Variants in ROBO2 observed in about 807,000 individuals in gnomAD.
The protein encoded by ROBO2 is roundabout guidance receptor 2.
A neutral mutation model predicts 160.8 loss-of-function variants in ROBO2; 53 were observed. The observed-to-expected ratio is 0.33, with a 90% confidence interval of 0.26 to 0.41. The LOEUF (loss-of-function observed/expected upper bound fraction) is 0.41. Ranked by LOEUF, ROBO2 falls within the 10% of genes least tolerant of loss-of-function variation. The pLI is 1.00. For missense variants in ROBO2, 1,577 were observed against 1,722.4 expected (o/e 0.92, Z 1.49); for synonymous variants, 664 against 611.7 (o/e 1.09, Z -1.26).
chr3:76,351,731 CTTTAA>C (rs1414937847), intron 2 of ROBO2, among the ~76,000 whole-genome samples: 1 of 151,794 alleles, frequency 6.6e-6, no homozygotes, highest in Admixed American at 6.6e-5. Context: ...ATGAGTTTTT[CTTTAA>C]TTTACATTTT....
chr3:77,053,777 AAT>A (rs2149709520), intron 1 of ROBO2, among the ~76,000 whole-genome samples: 1 of 152,310 alleles, frequency 6.6e-6, no homozygotes, highest in South Asian at 2.1e-4. Context: ...AATGTAAACT[AAT>A]TCTTCAGGGA....
chr3:77,249,805 T>G (rs570993158), intron 2 of ROBO2, among the ~76,000 whole-genome samples: 1 of 151,806 alleles, frequency 6.6e-6, no homozygotes, highest in African/African-American at 2.4e-5. Flanking sequence ...ATAGCTACTA[T>G]ATTTTATTAT....
intron 2 of ROBO2, among the ~76,000 whole-genome samples, chr3:75,952,561 A>C (rs912309385): frequency 3.3e-5 from 5 of 151,848 alleles, no homozygotes; most frequent in African/African-American, 1.2e-4. Flanking sequence ...CCTCTACCCC[A>C]ATTTCCCCGA....
chr3:76,860,332 G>A (rs138867133), intron 2 of ROBO2, among the ~76,000 whole-genome samples: 150 of 152,184 alleles, frequency 9.9e-4, no homozygotes, highest in African/African-American at 3.5e-3. Flanking sequence ...AAATGTTTTC[G>A]TAGGGCATTT....
intron 2 of ROBO2, among the ~76,000 whole-genome samples, chr3:76,644,472 T>C (rs974279628): frequency 1.3e-5 from 2 of 152,174 alleles, no homozygotes; most frequent in African/African-American, 4.8e-5. Context: ...TGGGTTCTTT[T>C]TTTCAGTGTA....
At chr3:76,511,388 G>A (rs571340392) in intron 2 of ROBO2, among the ~76,000 whole-genome samples, 2 of 152,246 alleles carry the variant, frequency 1.3e-5, no homozygotes, top group African/African-American at 4.8e-5. Context: ...TCACCGCAGC[G>A]ACTGGATGAT....
intron 2 of ROBO2, among the ~76,000 whole-genome samples, chr3:76,260,279 A>T (rs925124254): frequency 1.3e-5 from 2 of 152,098 alleles, no homozygotes; most frequent in Non-Finnish European, 2.9e-5. Context: ...ACTCTAATTT[A>T]TATAAATCCC....
intron 5 of ROBO2, among the ~76,000 whole-genome samples, chr3:77,516,453 G>A (rs192584448): frequency 2.0e-5 from 3 of 151,530 alleles, no homozygotes. Context: ...AAAATAATGA[G>A]CTTATATATT....
intron 24 of ROBO2, among the ~76,000 whole-genome samples, chr3:77,637,335 G>A (rs1268571811): frequency 1.3e-5 from 2 of 152,312 alleles, no homozygotes; most frequent in African/African-American, 2.4e-5. Context: ...ATCCAATCCT[G>A]CAGCCCTATT....
At chr3:77,591,231 C>T (rs181533847) in intron 17 of ROBO2, among the ~76,000 whole-genome samples, 3 of 152,098 alleles carry the variant, frequency 2.0e-5, no homozygotes, top group Admixed American at 2.0e-4. Flanking sequence ...TGAGTTAGTG[C>T]TTATTAAAAA....
chr3:76,592,577 T>C (rs1022431888), intron 2 of ROBO2, among the ~76,000 whole-genome samples: 3 of 152,112 alleles, frequency 2.0e-5, no homozygotes, highest in African/African-American at 7.2e-5. Context: ...TACCAACGTG[T>C]ATTCCTCCAG....
At chr3:77,631,151 G>A (rs760583189) in intron 23 of ROBO2, 1 of 151,750 alleles carries the variant, frequency 6.6e-6, no homozygotes, top group Non-Finnish European at 1.5e-5. Flanking sequence ...AGTAAAAAGT[G>A]TATCTCTGTG....
intron 2 of ROBO2, among the ~76,000 whole-genome samples, chr3:77,362,953 C>T (rs1316046292): frequency 2.0e-5 from 3 of 152,084 alleles, no homozygotes; most frequent in Admixed American, 6.6e-5. Context: ...TACCTCCCAC[C>T]GGGTCCCTCC....
At chr3:77,288,466 T>C (rs1482746401) in intron 2 of ROBO2, among the ~76,000 whole-genome samples, 1 of 152,184 alleles carries the variant, frequency 6.6e-6, no homozygotes, top group Non-Finnish European at 1.5e-5. Flanking sequence ...ATATGGATTT[T>C]GTGTCTTATG....
At chr3:76,878,669 G>A (rs2073031738) in intron 2 of ROBO2, among the ~76,000 whole-genome samples, 1 of 152,062 alleles carries the variant, frequency 6.6e-6, no homozygotes, top group Non-Finnish European at 1.5e-5. Flanking sequence ...ATTCAATAGG[G>A]AGAACATAGT....
At chr3:76,816,200 G>A (rs1018514795) in intron 2 of ROBO2, among the ~76,000 whole-genome samples, 2 of 152,110 alleles carry the variant, frequency 1.3e-5, no homozygotes, top group African/African-American at 4.8e-5. Context: ...GGTCTCTAAT[G>A]TGGTGACAAG....
chr3:76,960,465 T>C (rs1194547025), intron 2 of ROBO2, among the ~76,000 whole-genome samples: 1 of 152,152 alleles, frequency 6.6e-6, no homozygotes, highest in Non-Finnish European at 1.5e-5. Context: ...ATATATAGCA[T>C]GTAAATTAAC....
At chr3:75,931,330 G>T (rs1947524016) in intron 1 of ROBO2, among the ~76,000 whole-genome samples, 1 of 152,136 alleles carries the variant, frequency 6.6e-6, no homozygotes, top group African/African-American at 2.4e-5. Context: ...GTTAGAATCT[G>T]TATAATCCAA....
chr3:76,150,435 A>ACAT (rs200389691), intron 2 of ROBO2, among the ~76,000 whole-genome samples: 2 of 11,392 alleles, frequency 1.8e-4, no homozygotes, highest in Admixed American at 8.9e-4. Flanking sequence ...TCTAAAGCAC[A>ACAT]CATCTGTCTA....
Sources: allele counts gnomAD v4.1 joint callset (sites outside exome capture counted in the v4.1 genomes callset), GRCh38; gene constraint gnomAD v4.1.1; transcripts MANE v1.5; gene names NCBI Gene and HGNC (gene_info 2026-07-23, HGNC 2026-07-21).